The following PCSK2 variants were observed in gnomAD, a reference collection of about 807,000 sequenced individuals.
PCSK2 encodes proprotein convertase subtilisin/kexin type 2.
PCSK2 carries 14 observed loss-of-function variants against 69.7 expected under a neutral mutation model. The ratio of observed to expected loss-of-function variants is 0.20; its 90% CI spans 0.13 to 0.31. The LOEUF (loss-of-function observed/expected upper bound fraction) is 0.31, where lower values mean the gene tolerates loss of function less well. Ranked by LOEUF, PCSK2 falls within the 10% of genes least tolerant of loss-of-function variation. PCSK2 has a pLI of 1.00. For missense variants in PCSK2, 544 were observed against 842.5 expected, an observed-to-expected ratio of 0.65 and a Z score of 4.39; for synonymous variants, 307 against 320.7, an observed-to-expected ratio of 0.96 and a Z score of 0.46.
intron 2 of PCSK2, among the ~76,000 whole-genome samples, chr20:17,318,064 C>T (rs1208920121): frequency 6.6e-6 from 1 of 152,196 alleles, no homozygotes; most frequent in Non-Finnish European, 1.5e-5. Flanking sequence ...TCATCCTGGG[C>T]TTTGGATGCT....
intron 6 of PCSK2, among the ~76,000 whole-genome samples, chr20:17,414,549 T>C (rs2031953744): frequency 6.6e-6 from 1 of 152,134 alleles, no homozygotes; most frequent in Non-Finnish European, 1.5e-5. Flanking sequence ...ATTAATAGCC[T>C]ACCAACCAAA....
At chr20:17,371,674 G>T (rs1160629185) in intron 5 of PCSK2, among the ~76,000 whole-genome samples, 1 of 152,024 alleles carries the variant, frequency 6.6e-6, no homozygotes, top group Non-Finnish European at 1.5e-5. Flanking sequence ...TATTTTTAAT[G>T]AAATTGAGCT....
intron 5 of PCSK2, among the ~76,000 whole-genome samples, chr20:17,375,460 C>A (rs924219685): frequency 1.2e-4 from 18 of 152,072 alleles, no homozygotes; most frequent in Admixed American, 6.5e-5. Flanking sequence ...TGAAGGATGC[C>A]CCCGAGGAAG....
chr20:17,474,653 A>G (rs1220408458), intron 11 of PCSK2, among the ~76,000 whole-genome samples: 1 of 152,082 alleles, frequency 6.6e-6, no homozygotes, highest in Non-Finnish European at 1.5e-5. Flanking sequence ...AACAGATACG[A>G]CAGCCACCAT....
intron 2 of PCSK2, among the ~76,000 whole-genome samples, chr20:17,287,754 C>T (rs1218443091): frequency 6.6e-6 from 1 of 152,166 alleles, no homozygotes; most frequent in East Asian, 1.9e-4. Context: ...AGATTATAAC[C>T]CTGGCCAGCC....
At chr20:17,289,211 T>A (rs746987844) in intron 2 of PCSK2, among the ~76,000 whole-genome samples, 7 of 152,198 alleles carry the variant, frequency 4.6e-5, no homozygotes, top group East Asian at 3.8e-4. Flanking sequence ...TTAGTCAATA[T>A]CTAGGTTGAA....
chr20:17,454,620 T>C (rs2123383286), intron 9 of PCSK2, among the ~76,000 whole-genome samples: 1 of 152,356 alleles, frequency 6.6e-6, no homozygotes, highest in South Asian at 2.1e-4. Context: ...ATACATCATC[T>C]GTAAAGCATA....
chr20:17,379,929 G>T (rs1213604897), intron 5 of PCSK2, among the ~76,000 whole-genome samples: 1 of 152,198 alleles, frequency 6.6e-6, no homozygotes, highest in Non-Finnish European at 1.5e-5. Flanking sequence ...TCACCTGTTG[G>T]CCTTGAAGAT....
chr20:17,336,658 T>C (rs1473581195), intron 2 of PCSK2, among the ~76,000 whole-genome samples: 1 of 152,164 alleles, frequency 6.6e-6, no homozygotes, highest in Non-Finnish European at 1.5e-5. Flanking sequence ...CACACTGTGG[T>C]TTTAGATTCA....
chr20:17,312,745 G>A (rs1989557661), intron 2 of PCSK2, among the ~76,000 whole-genome samples: 1 of 151,892 alleles, frequency 6.6e-6, no homozygotes, highest in African/African-American at 2.4e-5. Flanking sequence ...AGAAGCGAGT[G>A]TGTGTGTCCC....
intron 5 of PCSK2, among the ~76,000 whole-genome samples, chr20:17,385,133 G>C (rs1218082900): frequency 6.6e-6 from 1 of 152,180 alleles, no homozygotes; most frequent in South Asian, 2.1e-4. Context: ...GGGTGGAGTA[G>C]TTGTGACAAA....
intron 5 of PCSK2, among the ~76,000 whole-genome samples, chr20:17,399,599 G>A (rs901785011): frequency 6.6e-6 from 1 of 152,166 alleles, no homozygotes; most frequent in Admixed American, 6.5e-5. Context: ...TTAAAGCCAT[G>A]GGGGCACTTA....
intron 2 of PCSK2, among the ~76,000 whole-genome samples, chr20:17,319,690 G>T (rs369769510): frequency 6.6e-6 from 1 of 151,778 alleles, no homozygotes; most frequent in South Asian, 2.1e-4. Flanking sequence ...TGGGAGGGGG[G>T]TATAAATCAA....
intron 10 of PCSK2, among the ~76,000 whole-genome samples, chr20:17,459,387 T>C (rs1352580134): frequency 6.6e-6 from 1 of 152,216 alleles, no homozygotes; most frequent in African/African-American, 2.4e-5. Context: ...AACATTCTTG[T>C]ACATGCCTTT....
At chr20:17,292,069 A>G (rs910343200) in intron 2 of PCSK2, among the ~76,000 whole-genome samples, 17 of 152,320 alleles carry the variant, frequency 1.1e-4, no homozygotes, top group Non-Finnish European at 1.9e-4. Context: ...GTCCTCAGTA[A>G]TATAAGGGTT....
intron 2 of PCSK2, among the ~76,000 whole-genome samples, chr20:17,343,771 G>A (rs1299770079): frequency 6.6e-6 from 1 of 152,186 alleles, no homozygotes; most frequent in Non-Finnish European, 1.5e-5. Context: ...TTCATCCACT[G>A]TTGCGCCGTT....
intron 8 of PCSK2, among the ~76,000 whole-genome samples, chr20:17,441,525 C>A (rs2032594745): frequency 6.6e-6 from 1 of 152,088 alleles, no homozygotes; most frequent in Non-Finnish European, 1.5e-5. Flanking sequence ...TAAGGCTGGG[C>A]AATTTACAAA....
chr20:17,281,173 G>T (rs530500327), intron 2 of PCSK2, among the ~76,000 whole-genome samples: 5 of 152,290 alleles, frequency 3.3e-5, no homozygotes, highest in African/African-American at 1.2e-4. Flanking sequence ...TACCATCCAC[G>T]TTGACTACCC....
At chr20:17,368,091 T>G (rs951569614) in intron 4 of PCSK2, among the ~76,000 whole-genome samples, 2 of 152,186 alleles carry the variant, frequency 1.3e-5, no homozygotes, top group Admixed American at 1.3e-4. Flanking sequence ...GAAAAATTTC[T>G]TTTCAGAAAT....
Sources: allele counts gnomAD v4.1 joint callset (sites outside exome capture counted in the v4.1 genomes callset), GRCh38; gene constraint gnomAD v4.1.1; transcripts MANE v1.5; gene names NCBI Gene and HGNC (gene_info 2026-07-23, HGNC 2026-07-21).